The following PARD3 variants were observed in gnomAD, a reference collection of about 807,000 sequenced individuals.
The protein encoded by PARD3 is partitioning defective 3 homolog.
A neutral mutation model predicts 155.4 loss-of-function variants in PARD3; 75 were observed. The ratio of observed to expected loss-of-function variants is 0.48; its 90% CI spans 0.40 to 0.58. The LOEUF is 0.58. Ranked by LOEUF, PARD3 falls within the 20% of genes least tolerant of loss-of-function variation. PARD3 has a pLI of 0.00. For missense variants in PARD3, 1,642 were observed against 1,721.7 expected (o/e 0.95, Z 0.82); for synonymous variants, 576 against 610.5 (o/e 0.94, Z 0.83).
At chr10:34,657,736 G>A (rs1393986296) in intron 2 of PARD3, among the ~76,000 whole-genome samples, 1 of 151,898 alleles carries the variant, frequency 6.6e-6, no homozygotes, top group African/African-American at 2.4e-5. Flanking sequence ...ACGTGGTTTC[G>A]CCATGTTGGC....
chr10:34,520,031 C>T (rs2082046309), intron 2 of PARD3, among the ~76,000 whole-genome samples: 1 of 152,134 alleles, frequency 6.6e-6, no homozygotes, highest in Non-Finnish European at 1.5e-5. Context: ...ATAAACCCCT[C>T]TCCTGCCTCC....
At chr10:34,218,217 T>C (rs1286202795) in intron 22 of PARD3, among the ~76,000 whole-genome samples, 1 of 152,190 alleles carries the variant, frequency 6.6e-6, no homozygotes, top group Non-Finnish European at 1.5e-5. Context: ...GACTCTATTC[T>C]GGAAAATTCT....
rs377706005 is a variant in PARD3, at chr10:34,684,836, T to TACAC, written c.222+11478_222+11481dup. Among the ~76,000 whole-genome samples, 88 of 135,696 alleles carry TACAC rather than the reference T, an allele frequency of 6.5e-4. 2 individuals carry two copies. The highest frequency in any genetic ancestry group is 3.9e-3 in the Middle Eastern group (1 of 256). The allele number at this position is 135,696 out of a possible 152,430, so 89.0% of individuals were successfully genotyped here. A position where few individuals can be genotyped will look rare whatever the true frequency, so the allele number is the denominator to read the frequency against. ...ACACACACACACACACACACATATATACACACACACATATATATACATGTA... is the reference window on the plus strand; with the variant it reads ...ACACACACACACACACACACATATATACACACACACACACATATATATACATGTA... On this transcript the variant is annotated intron_variant, in intron 2 of 24. Transcript: ENST00000374788.
chr10:34,797,993 C>T (rs764501441), intron 1 of PARD3, among the ~76,000 whole-genome samples: 1 of 152,066 alleles, frequency 6.6e-6, no homozygotes, highest in African/African-American at 2.4e-5. Context: ...GCACAAGACT[C>T]GGTCTCAAAA....
At chr10:34,564,152 A>G (rs1265434074) in intron 2 of PARD3, among the ~76,000 whole-genome samples, 1 of 152,188 alleles carries the variant, frequency 6.6e-6, no homozygotes, top group Non-Finnish European at 1.5e-5. Flanking sequence ...TTCAACCCCA[A>G]AGCATTTTTT....
At position 34,305,729 on chromosome 10, in the gene PARD3, A is replaced by G. The variant is rs1196892309; in HGVS notation, c.3065+11378T>C. On this transcript the variant is annotated intron_variant, in intron 20 of 24. Transcript: ENST00000374788. ...CACAGTGGTGCACGCCTGCAATCCT[A>G]GTAGACTGGGAGGCCAGGCAGGAGG... 2.6e-5 allele frequency among the ~76,000 whole-genome samples: 4 copies of G among 152,208 alleles called. No homozygotes were observed. In the East Asian group the frequency reaches 7.7e-4, roughly 29 times the overall value.
intron 12 of PARD3, among the ~76,000 whole-genome samples, chr10:34,370,374 GGT>G (rs1289215248): frequency 1.3e-5 from 2 of 151,990 alleles, no homozygotes; most frequent in African/African-American, 4.8e-5. Flanking sequence ...CTTTCCCTCT[GGT>G]GACTGAGGAA....
intron 2 of PARD3, among the ~76,000 whole-genome samples, chr10:34,643,225 GC>G (rs1443723231): frequency 1.1e-4 from 17 of 152,234 alleles, no homozygotes; most frequent in Non-Finnish European, 2.4e-4. Flanking sequence ...CTCACCTGGA[GC>G]CCCCTCGTCT....
chr10:34,398,853 T>C (rs1843611624), intron 7 of PARD3, among the ~76,000 whole-genome samples: 1 of 152,226 alleles, frequency 6.6e-6, no homozygotes, highest in Admixed American at 6.5e-5. Context: ...TGCCTAATTT[T>C]TTAAAATTTC....
At chr10:34,585,658 C>T (rs2087957738) in intron 2 of PARD3, among the ~76,000 whole-genome samples, 1 of 151,712 alleles carries the variant, frequency 6.6e-6, no homozygotes, top group Non-Finnish European at 1.5e-5. Context: ...AGCATACCTA[C>T]TTCCTATCAT....
At chr10:34,232,148 C>CA (rs1952967372) in intron 22 of PARD3, among the ~76,000 whole-genome samples, 1 of 152,072 alleles carries the variant, frequency 6.6e-6, no homozygotes, top group Non-Finnish European at 1.5e-5. Flanking sequence ...ATAATATTAC[C>CA]AGATACCACG....
At chr10:34,193,449 A>AT (rs1444970318) in intron 22 of PARD3, among the ~76,000 whole-genome samples, 5 of 152,134 alleles carry the variant, frequency 3.3e-5, no homozygotes, top group Admixed American at 1.3e-4. Context: ...GAATAGGAAG[A>AT]TTTTCCCCTG....
chr10:34,327,444 A>G (rs1835146703), intron 19 of PARD3, among the ~76,000 whole-genome samples: 1 of 152,310 alleles, frequency 6.6e-6, no homozygotes, highest in Non-Finnish European at 1.5e-5. Flanking sequence ...TGCCCATGCC[A>G]TGATTTCCAC....
intron 1 of PARD3, among the ~76,000 whole-genome samples, chr10:34,812,873 C>T (rs552829024): frequency 7.9e-5 from 12 of 152,266 alleles, no homozygotes; most frequent in African/African-American, 2.4e-4. Context: ...CCCTTTTCTA[C>T]GCCCTGTGAA....
intron 22 of PARD3, among the ~76,000 whole-genome samples, chr10:34,244,401 AAC>A (rs1178372275): frequency 6.6e-6 from 1 of 152,218 alleles, no homozygotes. Context: ...CCAGGAAGAA[AAC>A]ACAGACGAAC....
intron 2 of PARD3, among the ~76,000 whole-genome samples, chr10:34,606,703 C>T (rs1408447212): frequency 6.7e-6 from 1 of 150,034 alleles, no homozygotes; most frequent in Non-Finnish European, 1.5e-5. Flanking sequence ...GGCATGGTGG[C>T]TCACGCCTGT....
intron 14 of PARD3, 74 bp from the exon 15 acceptor site, chr10:34,348,189 A>G: frequency 7.4e-7 from 1 of 1,355,872 alleles, no homozygotes; most frequent in Non-Finnish European, 1.0e-6. Context: ...GAGAATTATA[A>G]CAACTTGCCC....
chr10:34,210,631 G>C (rs1231909122), intron 22 of PARD3, among the ~76,000 whole-genome samples: 5 of 152,110 alleles, frequency 3.3e-5, no homozygotes, highest in African/African-American at 1.2e-4. Context: ...CTTGATACCT[G>C]GGAAGGTGCT....
intron 22 of PARD3, among the ~76,000 whole-genome samples, chr10:34,206,629 G>A (rs1489143124): frequency 6.6e-6 from 1 of 152,234 alleles, no homozygotes; most frequent in East Asian, 1.9e-4. Flanking sequence ...TGGGTGGAGA[G>A]AAGCAGCTCG....
Sources: gnomAD v4.1 joint callset for allele counts (sites outside exome capture counted in the v4.1 genomes callset) on GRCh38, gnomAD v4.1.1 for gene constraint, MANE v1.5 for transcripts, NCBI Gene and HGNC (gene_info 2026-07-23, HGNC 2026-07-21) for gene names.